RYR2: variants seen among roughly 807,000 people sequenced by gnomAD.
The protein encoded by RYR2 is cardiac muscle ryanodine receptor-calcium release channel.
Under a neutral mutation model 601.1 loss-of-function variants are expected in RYR2, and 227 were observed. The ratio of observed to expected loss-of-function variants is 0.38; its 90% CI spans 0.34 to 0.42. RYR2 has a LOEUF of 0.42. RYR2 is among the 10% of genes least tolerant of loss of function. The probability of loss-of-function intolerance (pLI) is 1.00; values close to 1 mark genes in which losing one functional copy is unlikely to be tolerated. For synonymous variants in RYR2, 2,223 were observed against 2,175.1 expected, an observed-to-expected ratio of 1.02 and a Z score of -0.61; for missense variants, 4,646 against 6,156.5, an observed-to-expected ratio of 0.75 and a Z score of 8.21.
At chr1:237,563,233 C>G (rs927748101) in intron 27 of RYR2, among the ~76,000 whole-genome samples, 1 of 151,860 alleles carries the variant, frequency 6.6e-6, no homozygotes, top group African/African-American at 2.4e-5. Context: ...GGTGAAACCC[C>G]GTCTCTACTG....
chr1:237,117,263 A>T (rs1670179856), intron 1 of RYR2, among the ~76,000 whole-genome samples: 1 of 152,090 alleles, frequency 6.6e-6, no homozygotes, highest in South Asian at 2.1e-4. Flanking sequence ...TTTGGGCAGG[A>T]TGGGGGACAT....
At chr1:237,462,265 T>G (rs566910320) in intron 16 of RYR2, among the ~76,000 whole-genome samples, 1 of 152,306 alleles carries the variant, frequency 6.6e-6, no homozygotes, top group South Asian at 2.1e-4. Context: ...TCAGTGTGTC[T>G]ATTTTGCACA....
At chr1:237,072,437 A>G (rs1664475931) in intron 1 of RYR2, among the ~76,000 whole-genome samples, 2 of 152,184 alleles carry the variant, frequency 1.3e-5, no homozygotes, top group Admixed American at 1.3e-4. Flanking sequence ...ACTCCCAGCA[A>G]AGGGGCAGAG....
At chr1:237,813,715 G>A (rs1661491236) in intron 100 of RYR2, among the ~76,000 whole-genome samples, 1 of 152,158 alleles carries the variant, frequency 6.6e-6, no homozygotes, top group South Asian at 2.1e-4. Context: ...AATACGGCCT[G>A]TTGATGTTCT....
chr1:237,270,420 T>G, intron 1 of RYR2, 77 bp from the exon 2 acceptor site: 1 of 1,530,330 alleles, frequency 6.5e-7, no homozygotes, highest in Non-Finnish European at 8.9e-7. Flanking sequence ...TAAAATAATG[T>G]TCTTCAAGAT....
At position 237,428,445 on chromosome 1, in the gene RYR2, A is replaced by C. The variant is rs142514599; in HGVS notation, c.1005+5197A>C. Among the ~76,000 whole-genome samples the C allele has an allele frequency of 9.5e-3, 1,448 of 152,266 alleles. 29 individuals are homozygous for C. The highest frequency in any genetic ancestry group is 0.033 in the African/African-American group (1,371 of 41,544). On this transcript the variant is annotated intron_variant, in intron 12 of 104. Coordinates refer to ENST00000366574, the MANE Select transcript of RYR2 (RefSeq NM_001035.3). ...AAAAGGAATGAGATAATGTCCTTTGAAGTGACATGGATGAAGCTGGAAACC... is the reference window on the plus strand; with the variant it reads ...AAAAGGAATGAGATAATGTCCTTTGCAGTGACATGGATGAAGCTGGAAACC...
chr1:237,623,901 A>C (rs1679368367), intron 39 of RYR2, 31 bp downstream of exon 39: 2 of 1,401,244 alleles, frequency 1.4e-6, no homozygotes, highest in Admixed American at 3.4e-5. Context: ...AGCTTTTATT[A>C]ATTGTATGTT....
intron 1 of RYR2, among the ~76,000 whole-genome samples, chr1:237,126,378 G>C (rs919068412): frequency 6.6e-6 from 1 of 152,188 alleles, no homozygotes; most frequent in Non-Finnish European, 1.5e-5. Context: ...CAAACCTACC[G>C]TCTACTGGGG....
chr1:237,085,816 T>C (rs751447279), intron 1 of RYR2, among the ~76,000 whole-genome samples: 2 of 152,182 alleles, frequency 1.3e-5, no homozygotes, highest in Non-Finnish European at 2.9e-5. Context: ...TACAGTGTTA[T>C]GATCACAGCT....
At chr1:237,611,671 G>T (rs1352263878) in intron 36 of RYR2, among the ~76,000 whole-genome samples, 1 of 152,076 alleles carries the variant, frequency 6.6e-6, no homozygotes, top group Non-Finnish European at 1.5e-5. Context: ...CTCCCAAAAT[G>T]CCACTGAAAT....
At chr1:237,168,227 T>C (rs1278951410) in intron 1 of RYR2, among the ~76,000 whole-genome samples, 2 of 152,060 alleles carry the variant, frequency 1.3e-5, no homozygotes, top group Non-Finnish European at 2.9e-5. Context: ...TCAGTGTCCT[T>C]CTTAGATTCC....
intron 11 of RYR2, among the ~76,000 whole-genome samples, chr1:237,417,502 G>T (rs980929085): frequency 6.6e-6 from 1 of 152,174 alleles, no homozygotes; most frequent in African/African-American, 2.4e-5. Context: ...GCACATCTCA[G>T]ATCTGACAGA....
chr1:237,778,844 C>A, intron 88 of RYR2, 74 bp downstream of exon 88: 2 of 734,306 alleles, frequency 2.7e-6, no homozygotes, highest in South Asian at 1.6e-5. Context: ...ATTAAACATG[C>A]TTTTTGATGT....
chr1:237,766,789 T>G, intron 84 of RYR2, among the ~76,000 whole-genome samples: 1 of 152,336 alleles, frequency 6.6e-6, no homozygotes, highest in African/African-American at 2.4e-5. Flanking sequence ...CAGAATGTAC[T>G]TTAATTCTGT....
intron 1 of RYR2, among the ~76,000 whole-genome samples, chr1:237,130,392 T>C (rs1672032282): frequency 6.6e-6 from 1 of 152,146 alleles, no homozygotes; most frequent in Admixed American, 6.5e-5. Flanking sequence ...ATAGCCTGGC[T>C]ATTACAGGGC....
At chr1:237,308,986 G>C (rs1403855648) in intron 2 of RYR2, among the ~76,000 whole-genome samples, 1 of 152,250 alleles carries the variant, frequency 6.6e-6, no homozygotes, top group Non-Finnish European at 1.5e-5. Flanking sequence ...GTCCCCACTA[G>C]ATTAGCTAGA....
At chr1:237,445,320 G>A in intron 13 of RYR2, 81 bp from the exon 14 acceptor site, 2 of 1,562,258 alleles carry the variant, frequency 1.3e-6, no homozygotes, top group Non-Finnish European at 1.7e-6. Context: ...TTATGGCTCA[G>A]CTGTTTGAGT....
At chr1:237,625,199 C>G (rs1679521712) in intron 39 of RYR2, among the ~76,000 whole-genome samples, 3 of 151,990 alleles carry the variant, frequency 2.0e-5, no homozygotes, top group Admixed American at 2.0e-4. Context: ...GTTTAGGGTA[C>G]CTAATTATGC....
Position 237,530,633 on chromosome 1 carries a change from G to A in RYR2, c.2906+123G>A. 3.9e-6 allele frequency: 3 copies of A among 772,254 alleles called. No homozygotes were observed. In the Admixed American group the frequency reaches 6.3e-5, roughly 16 times the overall value. 47.8% of individuals were successfully genotyped at this position (772,254 alleles called of 1,614,324 possible). On this transcript the variant is annotated intron_variant, in intron 25 of 104. Coordinates refer to ENST00000366574, the MANE Select transcript of RYR2 (RefSeq NM_001035.3). ...AGCTTTAAAATTCAGATTCAAGGCT[G>A]GGTGCGGTGGCTCACACCTTAATCC... is the stretch of plus-strand genomic sequence containing the variant.
Sources: allele counts gnomAD v4.1 joint callset (sites outside exome capture counted in the v4.1 genomes callset), GRCh38; gene constraint gnomAD v4.1.1; transcripts MANE v1.5; gene names NCBI Gene and HGNC (gene_info 2026-07-23, HGNC 2026-07-21).